Variants in PRSS55 observed in about 807,000 individuals in gnomAD.
PRSS55 encodes probable serine protease UNQ9391/PRO34284.
In PRSS55, 41 loss-of-function variants were observed where a neutral mutation model predicts 23.6. That is an observed-to-expected ratio of 1.74 (90% CI 1.35 to 2.26). PRSS55 has a LOEUF of 2.26. Among genes scored for constraint, PRSS55 ranks in the 30% most tolerant of loss-of-function variants. The pLI is 0.00. For missense variants in PRSS55, 669 were observed against 439.1 expected (o/e 1.52, Z -4.68); for synonymous variants, 262 against 175.5 (o/e 1.49, Z -3.90).
intron 4 of PRSS55, among the ~76,000 whole-genome samples, chr8:10,553,024 C>T (rs754916971): frequency 6.6e-6 from 1 of 152,152 alleles, no homozygotes; most frequent in Admixed American, 6.5e-5. Context: ...GTTCTGTGTC[C>T]CCACCCAAAT....
intron 4 of PRSS55, 113 bp downstream of exon 4, chr8:10,533,161 T>C (rs1018957933): frequency 2.5e-5 from 30 of 1,193,054 alleles, no homozygotes; most frequent in Non-Finnish European, 2.8e-5. Flanking sequence ...GGAAAATGTA[T>C]GGGAATTAGG....
intron 3 of PRSS55, 91 bp downstream of exon 3, chr8:10,531,636 G>C: frequency 6.5e-7 from 1 of 1,533,684 alleles, no homozygotes; most frequent in Non-Finnish European, 8.8e-7. Flanking sequence ...GACAAGACTT[G>C]CATTGGAGCA....
chr8:10,544,149 GTC>G (rs879422367), intron 4 of PRSS55, among the ~76,000 whole-genome samples: 8 of 150,910 alleles, frequency 5.3e-5, no homozygotes, highest in African/African-American at 1.5e-4. Flanking sequence ...TTATTAAATT[GTC>G]TCTTTCTTCC....
intron 2 of PRSS55, among the ~76,000 whole-genome samples, chr8:10,530,463 G>A (rs772083363): frequency 5.3e-5 from 8 of 152,188 alleles, no homozygotes; most frequent in Non-Finnish European, 8.8e-5. Flanking sequence ...GCGACAGAGC[G>A]AAACTCCATC....
In PRSS55 at chr8:10,531,327, A is replaced by G. The variant is rs751647669; in HGVS notation, c.380A>G (p.Asn127Ser). 4 of 1,613,978 alleles carry G rather than the reference A, an allele frequency of 2.5e-6. No homozygotes were observed. The highest frequency in any genetic ancestry group is 1.7e-5 in the Admixed American group (1 of 60,004). Residue 127 changes from asparagine to serine, a missense_variant, in exon 3 of 5, where the codon AAC becomes AGC. Physicochemically the swap from Asn to Ser is conservative, Grantham distance 46 (BLOSUM62 1). Transcript: ENST00000328655. ...PEELSVVLGT[N>S]DLTSPSMEIK... The stretch of plus-strand genomic sequence containing the variant: ...GAACTGAGTGTCGTGCTGGGGACCA[A>G]CGACTTAACTAGCCCATCCATGGAA...
intron 4 of PRSS55, among the ~76,000 whole-genome samples, chr8:10,551,783 C>T (rs906376309): frequency 2.6e-5 from 4 of 152,314 alleles, no homozygotes; most frequent in Admixed American, 2.6e-4. Context: ...AATCGCACTC[C>T]TCCCTCTCCT....
At chr8:10,541,946 T>A (rs948007783), downstream of PRSS55, among the ~76,000 whole-genome samples, 1 of 152,094 alleles carries the variant, frequency 6.6e-6, no homozygotes, top group Non-Finnish European at 1.5e-5. Context: ...GCTCATTTTT[T>A]AAAATTTTTT....
downstream of PRSS55, among the ~76,000 whole-genome samples, chr8:10,542,841 C>T (rs946450269): frequency 1.4e-5 from 2 of 145,196 alleles, no homozygotes; most frequent in Non-Finnish European, 3.0e-5. Flanking sequence ...CCATTGCACT[C>T]CAGCCTGGGT....
At chr8:10,535,584 C>T (rs1436290367) in intron 4 of PRSS55, among the ~76,000 whole-genome samples, 1 of 152,198 alleles carries the variant, frequency 6.6e-6, no homozygotes, top group Non-Finnish European at 1.5e-5. Context: ...GGATAAAAGA[C>T]TTAAATATAA....
chr8:10,533,120 C>A (rs1247552914), intron 4 of PRSS55, 72 bp downstream of exon 4: 4 of 1,489,644 alleles, frequency 2.7e-6, no homozygotes, highest in Non-Finnish European at 2.8e-6. Flanking sequence ...AGGGTATTCT[C>A]TCTCTGCTGC....
intron 4 of PRSS55, among the ~76,000 whole-genome samples, chr8:10,544,649 T>G (rs1320594068): frequency 6.6e-6 from 1 of 152,232 alleles, no homozygotes; most frequent in African/African-American, 2.4e-5. Flanking sequence ...ATTTTAATTT[T>G]TTAATGATGC....
At position 10,529,489 on chromosome 8, in the gene PRSS55, T is replaced by G; in HGVS notation, c.155-18T>G. ...AAGTGTTTCCCCTTTTCCTTTCCACTCTCTTTCTTTCCACCAGAATGTGGT... is the reference window on the plus strand; with the variant it reads ...AAGTGTTTCCCCTTTTCCTTTCCACGCTCTTTCTTTCCACCAGAATGTGGT... On this transcript the variant is annotated intron_variant, in intron 1 of 4. Transcript: ENST00000328655. The G allele has an allele frequency of 6.2e-7, 1 of 1,613,170 alleles. No individual in the cohort carries two copies. The highest frequency in any genetic ancestry group is 8.5e-7 in the Non-Finnish European group (1 of 1,179,170).
In PRSS55 at chr8:10,525,618, C is replaced by A; in HGVS notation, c.33C>A (p.Ser11=). 6.2e-7 allele frequency: 1 copy of A among 1,614,136 alleles called. No homozygotes were observed. The highest frequency in any genetic ancestry group is 8.5e-7 in the Non-Finnish European group (1 of 1,180,012). The change falls in exon 1 of 5, where the codon TCC becomes TCA. Residue 11 remains serine (S), a synonymous_variant. Coordinates refer to ENST00000328655, the MANE Select transcript of PRSS55 (RefSeq NM_198464.4). ...TGTTCTCAGTGTTGCTGCTCCTGTC[C>A]CTGGTCACGGGAACTCAGCTCGGTC... MLLFSVLLLL[S]LVTGTQLGPR...
At chr8:10,538,901 G>A (rs1585883962), downstream of PRSS55, 3 of 1,140,614 alleles carry the variant, frequency 2.6e-6, no homozygotes, top group Admixed American at 4.9e-5. Flanking sequence ...TTGAGGCTGG[G>A]ACCAGGAGGA....
At chr8:10,528,840 T>G (rs149946233) in intron 1 of PRSS55, among the ~76,000 whole-genome samples, 42 of 152,348 alleles carry the variant, frequency 2.8e-4, no homozygotes, top group Non-Finnish European at 4.7e-4. Context: ...GAAAATTATT[T>G]GCCTTTCCAC....
intron 4 of PRSS55, among the ~76,000 whole-genome samples, chr8:10,548,551 C>G (rs761596801): frequency 2.0e-5 from 3 of 152,308 alleles, no homozygotes; most frequent in Non-Finnish European, 4.4e-5. Flanking sequence ...CACTCTGAGG[C>G]TGGGGTCACT....
downstream of PRSS55, chr8:10,538,828 G>C (rs1451287396): frequency 1.3e-6 from 2 of 1,521,780 alleles, no homozygotes; most frequent in Admixed American, 2.1e-5. Flanking sequence ...AACCGAGGGA[G>C]GGTGCATGCA....
At chr8:10,543,074 G>T (rs1209519696), downstream of PRSS55, among the ~76,000 whole-genome samples, 1 of 151,990 alleles carries the variant, frequency 6.6e-6, no homozygotes, top group Admixed American at 6.5e-5. Context: ...CCCTACCTCT[G>T]ACTCCAGAGG....
rs1811989276 is a variant in PRSS55, at chr8:10,525,655, C to G, written c.70C>G (p.Leu24Val). The G allele has an allele frequency of 1.2e-6, 2 of 1,614,170 alleles. 1 individual carries two copies. Among genetic ancestry groups the G allele is most frequent in the African/African-American group, 2.7e-5 (2 of 75,070 alleles). ...AACTCAGCTCGGTCCACGGACTCCT[C>G]TCCCAGAGGCTGGAGTGGCTATCCT... is the stretch of plus-strand genomic sequence containing the variant. ...TGTQLGPRTP[L>V]PEAGVAILGR... Residue 24 changes from leucine (L) to valine (V), a missense_variant, in exon 1 of 5, where the codon CTC (leucine) becomes GTC (valine). Leu to Val is a conservative substitution (Grantham distance 32). Transcript: ENST00000328655.
Sources: gnomAD v4.1 joint callset for allele counts (sites outside exome capture counted in the v4.1 genomes callset) on GRCh38, gnomAD v4.1.1 for gene constraint, MANE v1.5 for transcripts, NCBI Gene and HGNC (gene_info 2026-07-23, HGNC 2026-07-21) for gene names.